RGS22: variants seen among roughly 807,000 people sequenced by gnomAD.
The protein encoded by RGS22 is regulator of G-protein signaling 22.
RGS22 carries 148 observed loss-of-function variants against 172.9 expected under a neutral mutation model. That is an observed-to-expected ratio of 0.86 (90% confidence interval 0.75 to 0.98). The LOEUF is 0.98. RGS22 is among the 50% of genes least tolerant of loss of function. The pLI is 0.00. For missense variants in RGS22, 1,347 were observed against 1,440.8 expected (o/e 0.93, Z 1.05); for synonymous variants, 458 against 480.2 (o/e 0.95, Z 0.60).
chr8:99,964,156 T>C (rs958677248), intron 24 of RGS22, among the ~76,000 whole-genome samples: 1 of 151,946 alleles, frequency 6.6e-6, no homozygotes. Flanking sequence ...AATACTGACT[T>C]GTGATAAAAA....
chr8:100,000,982 T>C (rs1182705595), intron 18 of RGS22, among the ~76,000 whole-genome samples: 5 of 151,850 alleles, frequency 3.3e-5, no homozygotes, highest in Middle Eastern at 3.2e-3. Context: ...CTGAAATTTG[T>C]ATTTTATTAA....
chr8:100,040,053 C>T lies in RGS22; in HGVS notation c.1973G>A (p.Gly658Glu), dbSNP rs1329860097. The T allele has an allele frequency of 6.2e-7, 1 of 1,609,544 alleles. No individual in the cohort carries two copies. Among genetic ancestry groups the T allele is most frequent in the Non-Finnish European group, 8.5e-7 (1 of 1,178,458 alleles). ...KTVSDVGALG[G>E]SDMENLLQSL... ...TTGCAACAAATTTTCCATGTCAGAT[C>T]CTCCCAAGGCACCAACATCTGACAC... The change falls in exon 13 of 28, where the codon GGA becomes GAA. Residue 658 changes from glycine (G) to glutamate (E), a missense_variant. Coordinates refer to ENST00000360863, the MANE Select transcript of RGS22 (RefSeq NM_015668.5).
At chr8:100,105,650 T>C (rs1446472385) in intron 1 of RGS22, 1 of 581,238 alleles carries the variant, frequency 1.7e-6, no homozygotes, top group Non-Finnish European at 3.0e-6. Context: ...CCCTTCTTCA[T>C]AGACGGAACC....
At chr8:99,980,640 C>A (rs1349088455) in intron 22 of RGS22, among the ~76,000 whole-genome samples, 1 of 152,156 alleles carries the variant, frequency 6.6e-6, no homozygotes, top group Non-Finnish European at 1.5e-5. Context: ...GATGCTCTAA[C>A]GTCCATATTT....
intron 7 of RGS22, among the ~76,000 whole-genome samples, chr8:100,065,546 T>C (rs1341940351): frequency 6.6e-6 from 1 of 152,204 alleles, no homozygotes; most frequent in African/African-American, 2.4e-5. Context: ...GTTCTTCTTC[T>C]GAGTCCTCAC....
intron 23 of RGS22, among the ~76,000 whole-genome samples, chr8:99,976,015 C>T (rs1563564040): frequency 6.6e-6 from 1 of 152,018 alleles, no homozygotes. Flanking sequence ...CATGGTGAAA[C>T]CCTGTCTCTA....
intron 23 of RGS22, among the ~76,000 whole-genome samples, chr8:99,973,581 G>C (rs1453420803): frequency 1.3e-5 from 2 of 152,022 alleles, no homozygotes; most frequent in Non-Finnish European, 2.9e-5. Context: ...TTAAAACCTA[G>C]ATGACGTGGC....
At chr8:100,027,008 T>C (rs10113739) in intron 14 of RGS22, among the ~76,000 whole-genome samples, 86,639 of 151,972 alleles carry the variant, frequency 0.57, 24,884 homozygotes, top group Admixed American at 0.63. Context: ...GGTGGGAGGA[T>C]TGCTTGAGTA....
At chr8:99,963,057 G>T in intron 24 of RGS22, 79 bp from the exon 25 acceptor site, 1 of 1,115,624 alleles carries the variant, frequency 9.0e-7, no homozygotes, top group Non-Finnish European at 1.2e-6. Flanking sequence ...TCTTCTATCA[G>T]CCTCTTCATT....
chr8:100,049,193 AAGGAACTGCTCTCC>A (rs1821028853), intron 10 of RGS22, among the ~76,000 whole-genome samples: 1 of 152,190 alleles, frequency 6.6e-6, no homozygotes, highest in Non-Finnish European at 1.5e-5. Context: ...GGGCGGTATA[AAGGAACTGCTCTCC>A]AGCATGAGTG....
At chr8:99,985,650 G>A (rs1813017137) in intron 21 of RGS22, among the ~76,000 whole-genome samples, 1 of 152,126 alleles carries the variant, frequency 6.6e-6, no homozygotes, top group Admixed American at 6.6e-5. Context: ...TTTGTTATAT[G>A]AACAAATTTA....
rs193190000 is a variant in RGS22 at position 100,071,040 on chromosome 8, T to G, written c.594+329A>C. On this transcript the variant is annotated intron_variant, in intron 6 of 27. Transcript: ENST00000360863. ...GCTTACGCCTGTAATCCCAGCACTT[T>G]GGGAGGCGGAGGTGAGTGGATTCCT... 5.2e-3 allele frequency among the ~76,000 whole-genome samples: 786 copies of G among 152,306 alleles called. 4 individuals are homozygous for G. The highest frequency in any genetic ancestry group is 7.6e-3 in the Non-Finnish European group (518 of 68,024).
intron 14 of RGS22, among the ~76,000 whole-genome samples, chr8:100,035,989 G>A (rs1819419254): frequency 6.6e-6 from 1 of 152,080 alleles, no homozygotes; most frequent in Non-Finnish European, 1.5e-5. Flanking sequence ...GATAGCATTA[G>A]GAGAAATACC....
Position 99,965,433 on chromosome 8 carries a change from G to C in RGS22, c.3520-3C>G. ...TTTGCATATTGTTTGATTCCATCCT[G>C]TAATTATATTAAATTAAATTATTAC... On this transcript the variant is annotated splice_region_variant and splice_polypyrimidine_tract_variant and intron_variant, in intron 23 of 27. Coordinates refer to ENST00000360863, the MANE Select transcript of RGS22 (RefSeq NM_015668.5). 1 of 1,579,720 alleles carries C rather than the reference G, an allele frequency of 6.3e-7. No individual in the cohort carries two copies. Among genetic ancestry groups the C allele is most frequent in the South Asian group, 1.1e-5 (1 of 88,902 alleles).
intron 4 of RGS22, among the ~76,000 whole-genome samples, chr8:100,075,240 G>A (rs1462278974): frequency 2.0e-5 from 3 of 152,172 alleles, no homozygotes; most frequent in African/African-American, 7.2e-5. Flanking sequence ...TTGGTCATGG[G>A]AGCGAATCCC....
chr8:100,067,686 G>A (rs1810635675), intron 6 of RGS22, among the ~76,000 whole-genome samples: 1 of 146,154 alleles, frequency 6.8e-6, no homozygotes, highest in South Asian at 2.2e-4. Flanking sequence ...GTTCAATGGT[G>A]CAGTCTCGGC....
chr8:99,972,350 T>G (rs1811452680), intron 23 of RGS22, among the ~76,000 whole-genome samples: 1 of 152,160 alleles, frequency 6.6e-6, no homozygotes, highest in Non-Finnish European at 1.5e-5. Flanking sequence ...GGCAAAGACT[T>G]CATGACTAAA....
At chr8:99,985,612 CATA>C (rs779994241) in intron 21 of RGS22, among the ~76,000 whole-genome samples, 1 of 152,152 alleles carries the variant, frequency 6.6e-6, no homozygotes, top group Non-Finnish European at 1.5e-5. Flanking sequence ...TACAATTTAG[CATA>C]ATAACATTTG....
chr8:100,040,145 C>A (rs1819952002), intron 12 of RGS22, 58 bp from the exon 13 acceptor site: 4 of 1,460,480 alleles, frequency 2.7e-6, no homozygotes, highest in Non-Finnish European at 2.8e-6. Context: ...TTTTTTATGG[C>A]ATTACACAAC....
Sources: gnomAD v4.1 joint callset for allele counts (sites outside exome capture counted in the v4.1 genomes callset) on GRCh38, gnomAD v4.1.1 for gene constraint, MANE v1.5 for transcripts, NCBI Gene and HGNC (gene_info 2026-07-23, HGNC 2026-07-21) for gene names.